The following CC2D1A variants were observed in gnomAD, a reference collection of about 807,000 sequenced individuals.
The protein encoded by CC2D1A is coiled-coil and C2 domain-containing protein 1A.
CC2D1A carries 68 observed loss-of-function variants against 123.8 expected under a neutral mutation model. The observed-to-expected ratio is 0.55, with a 90% CI of 0.45 to 0.67. The LOEUF (loss-of-function observed/expected upper bound fraction) is 0.67, where lower values mean the gene tolerates loss of function less well. CC2D1A is among the 30% of genes least tolerant of loss of function. The pLI is 0.00. For missense variants in CC2D1A, 1,185 were observed against 1,290.3 expected (o/e 0.92, Z 1.25); for synonymous variants, 477 against 528.0 (o/e 0.90, Z 1.32).
Position 13,927,953 on chromosome 19 carries a change from C to A in CC2D1A, c.2377C>A (p.Pro793Thr), listed in dbSNP as rs760711609. Residue 793 changes from proline to threonine, a missense_variant, in exon 23 of 29, where the codon CCA becomes ACA. Physicochemically the swap from Pro to Thr is conservative, Grantham distance 38 (BLOSUM62 -1). Transcript: ENST00000318003. ...GGAGGTAATGGTCCGGATTCGGGAG[C>A]CACTGACAGCCCAGCAGTTGGAGAC... is the stretch of plus-strand genomic sequence containing the variant. ...RLEVMVRIRE[P>T]LTAQQLETTT... is the part of the protein sequence containing the mutation. 3.1e-6 allele frequency: 5 copies of A among 1,613,578 alleles called. No individual in the cohort carries two copies. Among genetic ancestry groups the A allele is most frequent in the Admixed American group, 1.7e-5 (1 of 60,000 alleles).
chr19:13,911,767 G>A (rs1971008946), intron 2 of CC2D1A, among the ~76,000 whole-genome samples: 1 of 140,990 alleles, frequency 7.1e-6, no homozygotes, highest in Non-Finnish European at 1.5e-5. Context: ...CCAGGCTGGA[G>A]TACAGTGGCG....
Position 13,913,550 on chromosome 19 carries a change from A to G in CC2D1A, c.660A>G (p.Ser220=), listed in dbSNP as rs771036004. ...APTQPAPRIA[S]APEPRVTLEG... The stretch of plus-strand genomic sequence containing the variant: ...CCCAGCCGGCCCCTAGAATCGCGTC[A>G]GCCCCAGAGCCCAGGGTCACCCTGG... The change falls in exon 6 of 29, where the codon TCA becomes TCG. Residue 220 remains serine, a synonymous_variant. Coordinates refer to ENST00000318003, the MANE Select transcript of CC2D1A (RefSeq NM_017721.5). 5 of 1,614,012 alleles carry G rather than the reference A, an allele frequency of 3.1e-6. No individual in the cohort carries two copies. Among genetic ancestry groups the G allele is most frequent in the Middle Eastern group, 1.6e-4 (1 of 6,084 alleles).
chr19:13,915,981 C>T (rs566932578), intron 6 of CC2D1A, among the ~76,000 whole-genome samples: 29 of 151,962 alleles, frequency 1.9e-4, no homozygotes, highest in Middle Eastern at 3.4e-3. Context: ...AGGGGCTGGG[C>T]GTGGTGGTTC....
intron 2 of CC2D1A, 81 bp from the exon 3 acceptor site, chr19:13,912,242 A>G: frequency 7.0e-7 from 1 of 1,419,558 alleles, no homozygotes; most frequent in East Asian, 2.5e-5. Flanking sequence ...GAGAAGTGGG[A>G]TCACCTAGCG....
At position 13,927,905 on chromosome 19, in the gene CC2D1A, C is replaced by T. The variant is rs370263842; in HGVS notation, c.2329C>T (p.Arg777Cys). The T allele has an allele frequency of 2.4e-5, 38 of 1,613,244 alleles. 1 individual carries two copies. The Middle Eastern group carries it at 4.9e-4, about 21-fold the overall frequency. Residue 777 changes from arginine to cysteine, a missense_variant, in exon 23 of 29, where the codon CGC (arginine) becomes TGC (cysteine). Arg to Cys is a radical substitution (Grantham distance 180). Transcript: ENST00000318003. ...TACCCCCACCCAGGTCCTGGATGGT[C>T]GCCGGCCCACAGGGGGGCGACTGGA... Reference protein sequence around the residue: ...VREILEVLDGRRPTGGRLEVM... With the variant: ...VREILEVLDGCRPTGGRLEVM...
Position 13,906,435 on chromosome 19 carries a change from C to T in CC2D1A, c.-7C>T. The T allele has an allele frequency of 6.6e-7, 1 of 1,518,160 alleles. No individual in the cohort carries two copies. Among genetic ancestry groups the T allele is most frequent in the Middle Eastern group, 1.8e-4 (1 of 5,580 alleles). 94.0% of individuals were successfully genotyped at this position (1,518,160 alleles called of 1,614,324 possible). The stretch of plus-strand genomic sequence containing the variant: ...GGGGCAGGTGGTCCGGGCATCCAGC[C>T]TTGAAGATGCACAAGAGGAAAGGAC... On this transcript the variant is annotated 5_prime_UTR_variant, in exon 1 of 29. Coordinates refer to ENST00000318003, the MANE Select transcript of CC2D1A (RefSeq NM_017721.5). The surrounding 1 kb of genome is among the most constrained non-coding windows in gnomAD (Gnocchi z 4.1).
chr19:13,926,825 A>G lies in CC2D1A; in HGVS notation c.2078A>G (p.Glu693Gly). 6.2e-7 allele frequency: 1 copy of G among 1,614,078 alleles called. No homozygotes were observed. The highest frequency in any genetic ancestry group is 8.5e-7 in the Non-Finnish European group (1 of 1,180,004). Reference sequence around the variant, plus strand: ...CTGCCTCCTCTCTGGTCATAGGAAGAAGCTCAGAAAGACAAGACCAGTGTG... The same window carrying G: ...CTGCCTCCTCTCTGGTCATAGGAAGGAGCTCAGAAAGACAAGACCAGTGTG... ...RFDFPYPNVEEAQKDKTSVIK... is the reference protein window; with the variant it reads ...RFDFPYPNVEGAQKDKTSVIK... The change falls in exon 20 of 29, where the codon GAA (glutamate) becomes GGA (glycine). Residue 693 changes from glutamate to glycine, a missense_variant. Physicochemically the swap from Glu to Gly is moderately conservative, Grantham distance 98. Coordinates refer to ENST00000318003, the MANE Select transcript of CC2D1A (RefSeq NM_017721.5).
Position 13,926,606 on chromosome 19 carries a change from G to T in CC2D1A, c.2014+16G>T, listed in dbSNP as rs1409993849. 4 of 1,614,184 alleles carry T rather than the reference G, an allele frequency of 2.5e-6. No individual in the cohort carries two copies. Among genetic ancestry groups the T allele is most frequent in the Non-Finnish European group, 3.4e-6 (4 of 1,180,026 alleles). On this transcript the variant is annotated intron_variant, in intron 18 of 28. Transcript: ENST00000318003. ...ACACCCCCAGGTGAGGGGGCTGTAG[G>T]CAAGGGTCAGGGTCATGGGGACCCC...
At position 13,925,559 on chromosome 19, in the gene CC2D1A, A is replaced by G. The variant is rs570663310; in HGVS notation, c.1941-958A>G. ...CGCACTGCACTCCAGCCTGGGCGAC[A>G]GAGTGAGACTGTCTCAAAAAAAAAA... On this transcript the variant is annotated intron_variant, in intron 17 of 28. Coordinates refer to ENST00000318003, the MANE Select transcript of CC2D1A (RefSeq NM_017721.5). Among the ~76,000 whole-genome samples, 3 of 151,890 alleles carry G rather than the reference A, an allele frequency of 2.0e-5. No individual in the cohort carries two copies. In the South Asian group the frequency reaches 6.2e-4, roughly 32 times the overall value.
intron 17 of CC2D1A, among the ~76,000 whole-genome samples, chr19:13,924,563 A>G (rs1198616312): frequency 6.7e-6 from 1 of 149,310 alleles, no homozygotes; most frequent in Non-Finnish European, 1.5e-5. Flanking sequence ...TCTGCCTCCC[A>G]GGTTCAAGCA....
rs373029391 is a variant in CC2D1A, at chr19:13,923,329, C to G, written c.1642-4C>G. 5.0e-6 allele frequency: 8 copies of G among 1,603,680 alleles called. No homozygotes were observed. The African/African-American group carries it at 9.3e-5, about 19-fold the overall frequency. The stretch of plus-strand genomic sequence containing the variant: ...ACCCCCGCCACCAGCCTCGTCCTCC[C>G]CAGGTGCCGCCTGCCCCTGTCAACA... On this transcript the variant is annotated splice_region_variant and splice_polypyrimidine_tract_variant and intron_variant, in intron 14 of 28. Coordinates refer to ENST00000318003, the MANE Select transcript of CC2D1A (RefSeq NM_017721.5). This position sits in a 1 kb window ranked among gnomAD's most constrained non-coding sequence, Gnocchi z 5.3.
chr19:13,920,743 C>A lies in CC2D1A; in HGVS notation c.1469-7C>A. ...GGCAGCACCCATAGCAGCTCCTATG[C>A]CCACAGCCCAGCAGCAGCTGGCCTT... On this transcript the variant is annotated splice_region_variant and splice_polypyrimidine_tract_variant and intron_variant, in intron 13 of 28. Transcript: ENST00000318003. 1 of 1,612,892 alleles carries A rather than the reference C, an allele frequency of 6.2e-7. No individual in the cohort carries two copies. The highest frequency in any genetic ancestry group is 8.5e-7 in the Non-Finnish European group (1 of 1,179,344).
rs756854159 is a variant in CC2D1A at position 13,912,532 on chromosome 19, A to C, written c.317A>C (p.Glu106Ala). 4.5e-5 allele frequency: 72 copies of C among 1,613,876 alleles called. No individual in the cohort carries two copies. The highest frequency in any genetic ancestry group is 6.0e-5 in the Non-Finnish European group (71 of 1,180,012). The change falls in exon 4 of 29, where the codon GAG becomes GCG. Residue 106 changes from glutamate (E) to alanine (A), a missense_variant. Coordinates refer to ENST00000318003, the MANE Select transcript of CC2D1A (RefSeq NM_017721.5). ...DLEADDDLLA[E>A]LNEVLGEEQK... ...CCTGGCTGTGTGTCCCTGCAGGCGG[A>C]GCTAAATGAGGTCCTTGGAGAGGAG...
intron 1 of CC2D1A, among the ~76,000 whole-genome samples, chr19:13,907,597 G>T (rs866469148): frequency 6.6e-6 from 1 of 151,878 alleles, no homozygotes; most frequent in East Asian, 1.9e-4. Flanking sequence ...CGCTTGAACC[G>T]AGAGGCGGAG....
chr19:13,913,077 A>T, intron 4 of CC2D1A, 91 bp from the exon 5 acceptor site: 1 of 1,357,154 alleles, frequency 7.4e-7, no homozygotes, highest in Non-Finnish European at 9.8e-7. Flanking sequence ...TGGTCCAGGG[A>T]TGACATGGGG....
chr19:13,929,965 G>C (rs1396859057), intron 26 of CC2D1A, 113 bp from the exon 27 acceptor site: 1 of 950,216 alleles, frequency 1.1e-6, no homozygotes, highest in East Asian at 2.8e-5. Flanking sequence ...AGGGGGAGGG[G>C]CTCGGGGATG....
At position 13,913,416 on chromosome 19, in the gene CC2D1A, C is replaced by A. The variant is rs762822647; in HGVS notation, c.526C>A (p.Leu176Met). 3.7e-6 allele frequency: 6 copies of A among 1,613,906 alleles called. No individual in the cohort carries two copies. The highest frequency in any genetic ancestry group is 2.7e-5 in the African/African-American group (2 of 74,954). The change falls in exon 6 of 29, where the codon CTG (leucine) becomes ATG (methionine). Residue 176 changes from leucine (L) to methionine (M), a missense_variant. Physicochemically the swap from Leu to Met is conservative, Grantham distance 15. Transcript: ENST00000318003. ...YDRGLKTLEN[L>M]LASIRKGNAI... ...CGCCTTATCTTAGACACTGGAAAAC[C>A]TGCTCGCCTCCATCCGTAAGGGCAA...
Position 13,906,223 on chromosome 19 carries a change from G to A in CC2D1A, c.-219G>A, listed in dbSNP as rs1970719477. The A allele has an allele frequency of 6.9e-6, 3 of 437,886 alleles. No individual in the cohort carries two copies. Among genetic ancestry groups the A allele is most frequent in the South Asian group, 4.4e-5 (1 of 22,840 alleles). 27.1% of individuals were successfully genotyped at this position (437,886 alleles called of 1,614,324 possible). Reference sequence around the variant, plus strand: ...GTTGTAGTTTCGGCTCGGCAGACCCGGCGAGCCCAGTGGCCGCGCTCCGGT... The same window carrying A: ...GTTGTAGTTTCGGCTCGGCAGACCCAGCGAGCCCAGTGGCCGCGCTCCGGT... On this transcript the variant is annotated 5_prime_UTR_variant, in exon 1 of 29. Transcript: ENST00000318003. The surrounding 1 kb of genome is among the most constrained non-coding windows in gnomAD (Gnocchi z 4.1).
chr19:13,928,311 G>T, intron 24 of CC2D1A, 123 bp downstream of exon 24: 1 of 803,454 alleles, frequency 1.2e-6, no homozygotes, highest in Non-Finnish European at 2.0e-6. Context: ...ACCTTTCTTG[G>T]CACCCCTTTT....
Sources: gnomAD v4.1 joint callset for allele counts (sites outside exome capture counted in the v4.1 genomes callset) on GRCh38, gnomAD v4.1.1 for gene constraint, Gnocchi (gnomAD v3.1) non-coding constraint, MANE v1.5 for transcripts, NCBI Gene and HGNC (gene_info 2026-07-23, HGNC 2026-07-21) for gene names.